UBP1: variants seen among roughly 807,000 people sequenced by gnomAD.
UBP1 encodes the protein upstream binding protein 1.
A neutral mutation model predicts 76.1 loss-of-function variants in UBP1; 22 were observed. That is an observed-to-expected ratio of 0.29 (90% CI 0.21 to 0.41). UBP1 has a LOEUF of 0.41. Among genes scored for constraint, UBP1 ranks in the 10% least tolerant of loss-of-function variants. The pLI is 1.00. For synonymous variants in UBP1, 224 were observed against 237.1 expected (o/e 0.94, Z 0.51); for missense variants, 436 against 668.1 (o/e 0.65, Z 3.83).
chr3:33,431,015 A>C (rs1303389879), intron 1 of UBP1, among the ~76,000 whole-genome samples: 2 of 152,208 alleles, frequency 1.3e-5, no homozygotes, highest in Non-Finnish European at 2.9e-5. Flanking sequence ...GAAAAGCCTG[A>C]AAGTATCTGG....
chr3:33,422,174 A>C (rs2044912526), intron 2 of UBP1, among the ~76,000 whole-genome samples: 1 of 152,218 alleles, frequency 6.6e-6, no homozygotes, highest in Non-Finnish European at 1.5e-5. Flanking sequence ...TCAGTAGACA[A>C]AGAGGTAGGG....
intron 1 of UBP1, among the ~76,000 whole-genome samples, chr3:33,428,130 T>C (rs2154059451): frequency 7.6e-6 from 1 of 132,232 alleles, no homozygotes; most frequent in African/African-American, 2.9e-5. Context: ...TGCAGTGAGC[T>C]GAGATCGTGA....
At chr3:33,433,386 A>G (rs1187824808) in intron 1 of UBP1, among the ~76,000 whole-genome samples, 5 of 150,832 alleles carry the variant, frequency 3.3e-5, no homozygotes, top group African/African-American at 1.2e-4. Context: ...AAAAAAAAAA[A>G]AAAGACTACC....
chr3:33,421,468 C>A (rs2044891733), intron 2 of UBP1, among the ~76,000 whole-genome samples: 1 of 152,128 alleles, frequency 6.6e-6, no homozygotes, highest in Non-Finnish European at 1.5e-5. Flanking sequence ...GATGGTTTCA[C>A]CACATTGGCC....
chr3:33,416,735 G>C (rs780410647), intron 3 of UBP1, 23 bp downstream of exon 3: 1 of 1,551,506 alleles, frequency 6.4e-7, no homozygotes, highest in Admixed American at 1.8e-5. Flanking sequence ...TATCCATTGG[G>C]AATTAAAATG....
upstream of UBP1, chr3:33,440,917 A>T (rs2045291571): frequency 6.6e-6 from 1 of 152,112 alleles, no homozygotes. Flanking sequence ...AGCGGTTTGC[A>T]CCCCATCTGG....
rs1185029287 is a variant in UBP1, at chr3:33,389,919, C to T, written c.*412G>A. 1 of 168,616 alleles carries T rather than the reference C, an allele frequency of 5.9e-6. No homozygotes were observed. The highest frequency in any genetic ancestry group is 1.3e-5 in the Non-Finnish European group (1 of 77,852). The allele number at this position is 168,616 out of a possible 1,614,324, so 10.4% of individuals were successfully genotyped here. On this transcript the variant is annotated 3_prime_UTR_variant, in exon 16 of 16. Transcript: ENST00000283629. ...ACTGTCCCCCATCTCCTCTCCAGGTCAGCATAAGGTTCAGGCAATAAAAGC... is the reference window on the plus strand; with the variant it reads ...ACTGTCCCCCATCTCCTCTCCAGGTTAGCATAAGGTTCAGGCAATAAAAGC...
At chr3:33,429,229 T>C (rs1017598742) in intron 1 of UBP1, among the ~76,000 whole-genome samples, 4 of 152,204 alleles carry the variant, frequency 2.6e-5, no homozygotes, top group African/African-American at 9.7e-5. Context: ...CCAGACAAGA[T>C]TATAATTTCT....
chr3:33,416,968 C>A, intron 2 of UBP1, 134 bp from the exon 3 acceptor site: 1 of 696,590 alleles, frequency 1.4e-6, no homozygotes, highest in Non-Finnish European at 2.4e-6. Context: ...GAAGCAAATT[C>A]AGGTTGATCC....
At chr3:33,398,884 ATTTCTAG>A (rs2154055654) in intron 11 of UBP1, among the ~76,000 whole-genome samples, 2 of 152,278 alleles carry the variant, frequency 1.3e-5, no homozygotes, top group South Asian at 4.1e-4. Context: ...AAATTTTACA[ATTTCTAG>A]TTTTTCACAC....
At chr3:33,408,141 C>T (rs1267375411) in intron 8 of UBP1, among the ~76,000 whole-genome samples, 1 of 151,850 alleles carries the variant, frequency 6.6e-6, no homozygotes, top group Non-Finnish European at 1.5e-5. Context: ...ACCAGTGCTG[C>T]CAAACAGGCT....
At position 33,426,039 on chromosome 3, in the gene UBP1, A is replaced by ATG. The variant is rs61119304; in HGVS notation, c.114-299_114-298insCA. Among the ~76,000 whole-genome samples, 161 of 82,834 alleles carry ATG rather than the reference A, an allele frequency of 1.9e-3. 6 individuals are homozygous for ATG. Among genetic ancestry groups the ATG allele is most frequent in the East Asian group, 0.014 (14 of 1,000 alleles). 54.3% of individuals were successfully genotyped at this position (82,834 alleles called of 152,430 possible). A position where few individuals can be genotyped will look rare whatever the true frequency, so the allele number is the denominator to read the frequency against. On this transcript the variant is annotated intron_variant, in intron 1 of 15. Coordinates refer to ENST00000283629, the MANE Select transcript of UBP1 (RefSeq NM_014517.5). ...TATATATATATATATATATATATAT[A>ATG]GCACTTTAAAAACTTCTTTTAAAAC...
intron 12 of UBP1, 36 bp downstream of exon 12, chr3:33,397,009 T>C: frequency 6.4e-7 from 1 of 1,567,112 alleles, no homozygotes; most frequent in South Asian, 1.1e-5. Flanking sequence ...GAAAGGTACA[T>C]TCTTATTTCA....
chr3:33,395,985 C>A (rs529839940), intron 13 of UBP1, among the ~76,000 whole-genome samples, 177 bp downstream of exon 13: 1 of 152,300 alleles, frequency 6.6e-6, no homozygotes, highest in African/African-American at 2.4e-5. Context: ...CCAGTTTCCT[C>A]TTCTCCCAAG....
chr3:33,428,169 G>A lies in UBP1; in HGVS notation c.114-2428C>T, dbSNP rs565312928. On this transcript the variant is annotated intron_variant, in intron 1 of 15. Coordinates refer to ENST00000283629, the MANE Select transcript of UBP1 (RefSeq NM_014517.5). ...TGCACTCCAGCCTCAGTGACAGAGC[G>A]AGATTCCATCTCAAAAAAAAAAAAA... Among the ~76,000 whole-genome samples, 83 of 112,414 alleles carry A rather than the reference G, an allele frequency of 7.4e-4. 1 individual carries two copies. The highest frequency in any genetic ancestry group is 0.018 in the Middle Eastern group (2 of 114). 73.7% of individuals were successfully genotyped at this position (112,414 alleles called of 152,430 possible). A position where few individuals can be genotyped will look rare whatever the true frequency, so the allele number is the denominator to read the frequency against.
At chr3:33,420,525 T>A (rs1454216650) in intron 2 of UBP1, among the ~76,000 whole-genome samples, 1 of 135,436 alleles carries the variant, frequency 7.4e-6, no homozygotes, top group African/African-American at 2.9e-5. Flanking sequence ...AGTCTCACAC[T>A]GCCATCAGGC....
chr3:33,433,147 A>AAC (rs1444228652), intron 1 of UBP1, among the ~76,000 whole-genome samples: 1 of 150,112 alleles, frequency 6.7e-6, no homozygotes, highest in African/African-American at 2.5e-5. Context: ...TGCAACCTCC[A>AAC]CCTCCCGGGA....
chr3:33,410,570 G>A (rs893979568), intron 5 of UBP1, among the ~76,000 whole-genome samples: 3 of 152,156 alleles, frequency 2.0e-5, no homozygotes, highest in Non-Finnish European at 4.4e-5. Context: ...AGCTTATGAA[G>A]GCTGGTCAGC....
At chr3:33,414,062 T>C (rs2044666642) in intron 3 of UBP1, 1 of 151,540 alleles carries the variant, frequency 6.6e-6, no homozygotes, top group Non-Finnish European at 1.5e-5. Context: ...AGAGCTTTAC[T>C]AAGCCCCATT....
Sources: gnomAD v4.1 joint callset for allele counts (sites outside exome capture counted in the v4.1 genomes callset) on GRCh38, gnomAD v4.1.1 for gene constraint, MANE v1.5 for transcripts, NCBI Gene and HGNC (gene_info 2026-07-23, HGNC 2026-07-21) for gene names.